Variants in SUMF1 observed in about 807,000 individuals in gnomAD.
The protein encoded by SUMF1 is sulfatase modifying factor 1, also known as formylglycine-generating enzyme.
A neutral mutation model predicts 47.6 loss-of-function variants in SUMF1; 48 were observed. The ratio of observed to expected loss-of-function variants is 1.01; its 90% CI spans 0.80 to 1.28. The LOEUF is 1.28. Among genes scored for constraint, SUMF1 ranks in the 50% most tolerant of loss-of-function variants. The pLI is 0.00. For synonymous variants in SUMF1, 230 were observed against 192.1 expected (o/e 1.20, Z -1.63); for missense variants, 571 against 485.4 (o/e 1.18, Z -1.66).
In SUMF1 at chr3:4,112,250, T is replaced by C. The variant is rs1337249439; in HGVS notation, c.1015-43505A>G. ...ACTAGTACACCAGATACATAAAATA[T>C]GCCTGGTGGATGGAACAAAACATTT... On this transcript the variant is annotated intron_variant and NMD_transcript_variant, in intron 8 of 12. Coordinates refer to the SUMF1 transcript ENST00000448413. 5.3e-5 allele frequency among the ~76,000 whole-genome samples: 8 copies of C among 152,238 alleles called. No individual in the cohort carries two copies. In the East Asian group the frequency reaches 1.3e-3, roughly 26 times the overall value.
intron 8 of SUMF1, among the ~76,000 whole-genome samples, chr3:4,194,093 T>C (rs1695379154): frequency 6.6e-6 from 1 of 152,114 alleles, no homozygotes; most frequent in African/African-American, 2.4e-5. Flanking sequence ...ATCAAAATAT[T>C]CTATACCTGT....
At chr3:4,437,808 G>A (rs113492726) in intron 3 of SUMF1, among the ~76,000 whole-genome samples, 29 of 151,982 alleles carry the variant, frequency 1.9e-4, no homozygotes, top group African/African-American at 7.0e-4. Flanking sequence ...GCGTGGTGGT[G>A]CACTCCTGTA....
Position 4,129,049 on chromosome 3 carries a change from G to T in SUMF1, c.1015-60304C>A, listed in dbSNP as rs59268279. ...ATGGTGGAGTGGATTAGTCACTTTA[G>T]ACCTACTCATCCCAGCTGGGAGGAT... is the stretch of plus-strand genomic sequence containing the variant. On this transcript the variant is annotated intron_variant and NMD_transcript_variant, in intron 8 of 12. Coordinates refer to the SUMF1 transcript ENST00000448413. Among the ~76,000 whole-genome samples, 170 of 152,248 alleles carry T rather than the reference G, an allele frequency of 1.1e-3. 3 individuals carry two copies. Among genetic ancestry groups the T allele is most frequent in the African/African-American group, 3.9e-3 (162 of 41,524 alleles).
chr3:4,156,552 G>A (rs1694456483), intron 8 of SUMF1, among the ~76,000 whole-genome samples: 1 of 151,530 alleles, frequency 6.6e-6, no homozygotes, highest in Non-Finnish European at 1.5e-5. Flanking sequence ...GTAGACTCTA[G>A]AATTGACCAC....
chr3:4,222,326 C>A (rs1203393763), intron 8 of SUMF1, among the ~76,000 whole-genome samples: 1 of 152,086 alleles, frequency 6.6e-6, no homozygotes, highest in Non-Finnish European at 1.5e-5. Flanking sequence ...TCTTCCTCTA[C>A]TGAACGCCTG....
At chr3:4,217,035 A>C (rs1434985988) in intron 8 of SUMF1, among the ~76,000 whole-genome samples, 1 of 152,174 alleles carries the variant, frequency 6.6e-6, no homozygotes, top group East Asian at 1.9e-4. Context: ...AAGGATTATA[A>C]ATCATTCTAC....
chr3:4,301,095 T>C (rs964742930), intron 8 of SUMF1, among the ~76,000 whole-genome samples: 53 of 152,104 alleles, frequency 3.5e-4, no homozygotes, highest in African/African-American at 1.2e-3. Flanking sequence ...ACATAAGAAA[T>C]GGCTTATAAA....
chr3:4,163,751 C>T (rs1358013382), intron 8 of SUMF1, among the ~76,000 whole-genome samples: 1 of 152,018 alleles, frequency 6.6e-6, no homozygotes, highest in East Asian at 1.9e-4. Context: ...TTTTACCAGT[C>T]CACATCATAA....
chr3:4,328,297 T>C (rs967678501), intron 8 of SUMF1, among the ~76,000 whole-genome samples: 13 of 152,116 alleles, frequency 8.5e-5, no homozygotes, highest in Admixed American at 3.9e-4. Flanking sequence ...TTTACTGTTT[T>C]ATGGAGAGGA....
At chr3:4,367,934 T>G (rs1700034185) in intron 8 of SUMF1, among the ~76,000 whole-genome samples, 1 of 151,996 alleles carries the variant, frequency 6.6e-6, no homozygotes, top group African/African-American at 2.4e-5. Flanking sequence ...GGGCAAGGAC[T>G]TCATGTCTAA....
At chr3:4,174,339 G>T (rs1305592211) in intron 8 of SUMF1, among the ~76,000 whole-genome samples, 2 of 129,492 alleles carry the variant, frequency 1.5e-5, no homozygotes, top group Non-Finnish European at 3.2e-5. Context: ...CTGGGTGACA[G>T]AGCGAGACTC....
intron 8 of SUMF1, among the ~76,000 whole-genome samples, chr3:4,070,216 TG>T (rs1695486736): frequency 6.6e-6 from 1 of 152,204 alleles, no homozygotes; most frequent in Non-Finnish European, 1.5e-5. Context: ...TGTATTTGAT[TG>T]ATGTCTCATG....
chr3:4,209,201 A>G (rs970281484), intron 8 of SUMF1, among the ~76,000 whole-genome samples: 1 of 152,140 alleles, frequency 6.6e-6, no homozygotes, highest in Non-Finnish European at 1.5e-5. Flanking sequence ...GCTGCAGTTG[A>G]CTTTAAGGAC....
chr3:4,114,401 C>T (rs1392172972), intron 8 of SUMF1, among the ~76,000 whole-genome samples: 2 of 152,022 alleles, frequency 1.3e-5, no homozygotes, highest in Non-Finnish European at 2.9e-5. Context: ...GTGTAATTCC[C>T]CACATTTAAG....
Position 4,467,085 on chromosome 3 carries a change from G to C in SUMF1, c.161C>G (p.Thr54Arg), listed in dbSNP as rs753345369. The C allele has an allele frequency of 7.0e-6, 11 of 1,563,074 alleles. No homozygotes were observed. The highest frequency in any genetic ancestry group is 9.5e-6 in the Non-Finnish European group (11 of 1,155,108). The change falls in exon 1 of 9, where the codon ACG becomes AGG. Residue 54 changes from threonine (T) to arginine (R), a missense_variant. By Grantham distance (71) the Thr-to-Arg change is moderately conservative (BLOSUM62 -1). Transcript: ENST00000272902. ...GSLAGSCGCG[T>R]PQRPGAHGSS... ...GCCATGGGCGCCAGGCCGCTGGGGCGTGCCGCAGCCGCAAGAACCCGCAAG... is the reference window on the plus strand; with the variant it reads ...GCCATGGGCGCCAGGCCGCTGGGGCCTGCCGCAGCCGCAAGAACCCGCAAG...
At chr3:4,131,937 G>A (rs1285266864) in intron 8 of SUMF1, among the ~76,000 whole-genome samples, 1 of 152,096 alleles carries the variant, frequency 6.6e-6, no homozygotes, top group Non-Finnish European at 1.5e-5. Flanking sequence ...TCAGCAACAT[G>A]GACTTTCACT....
At chr3:4,128,018 G>A (rs188447441) in intron 8 of SUMF1, among the ~76,000 whole-genome samples, 4 of 151,940 alleles carry the variant, frequency 2.6e-5, no homozygotes, top group Admixed American at 6.6e-5. Flanking sequence ...GTGGAGAACC[G>A]AGGAACATAA....
At chr3:4,058,952 C>T (rs1292905451) in intron 9 of SUMF1, among the ~76,000 whole-genome samples, 9 of 152,076 alleles carry the variant, frequency 5.9e-5, no homozygotes, top group African/African-American at 2.2e-4. Context: ...CTAGCAATTA[C>T]CCCCAAATAA....
intron 8 of SUMF1, among the ~76,000 whole-genome samples, chr3:4,312,661 C>T (rs534253101): frequency 6.8e-6 from 1 of 147,984 alleles, no homozygotes; most frequent in African/African-American, 2.5e-5. Context: ...GTGATCACAG[C>T]ACTGCACTCC....
Sources: gnomAD v4.1 joint callset for allele counts (sites outside exome capture counted in the v4.1 genomes callset) on GRCh38, gnomAD v4.1.1 for gene constraint, MANE v1.5 for transcripts, NCBI Gene and HGNC (gene_info 2026-07-23, HGNC 2026-07-21) for gene names.